The following PARL variants were observed in gnomAD, a reference collection of about 807,000 sequenced individuals.
The protein encoded by PARL is presenilin associated rhomboid like, also known as presenilin-associated rhomboid-like protein, mitochondrial.
Under a neutral mutation model 51.6 loss-of-function variants are expected in PARL, and 44 were observed. The ratio of observed to expected loss-of-function variants is 0.85; its 90% CI spans 0.67 to 1.10. The LOEUF (loss-of-function observed/expected upper bound fraction) is 1.10. Ranked by LOEUF, PARL falls within the 50% of genes least tolerant of loss-of-function variation. The pLI is 0.00. For missense variants in PARL, 441 were observed against 469.5 expected (o/e 0.94, Z 0.56); for synonymous variants, 172 against 164.0 (o/e 1.05, Z -0.37).
At chr3:183,875,801 A>G (rs917389989) in intron 1 of PARL, among the ~76,000 whole-genome samples, 2 of 152,204 alleles carry the variant, frequency 1.3e-5, no homozygotes, top group Admixed American at 1.3e-4. Flanking sequence ...GATGCCATCT[A>G]AGACTTTCAT....
At chr3:183,840,744 C>T (rs776776581) in intron 6 of PARL, 104 bp from the exon 7 acceptor site, 65 of 629,050 alleles carry the variant, frequency 1.0e-4, no homozygotes, top group Non-Finnish European at 1.4e-4. Context: ...TTCACTCTTT[C>T]GCCCCGGCTG....
At chr3:183,835,594 C>T (rs1258549635) in intron 7 of PARL, among the ~76,000 whole-genome samples, 2 of 152,154 alleles carry the variant, frequency 1.3e-5, no homozygotes, top group Non-Finnish European at 2.9e-5. Flanking sequence ...TAGCCGGGCA[C>T]GGTGGCTCAC....
rs1235101986 is a variant in PARL, at chr3:183,882,222, AATATATAT to A, written c.125+2492_125+2499del. On this transcript the variant is annotated intron_variant, in intron 1 of 9. Coordinates refer to ENST00000317096, the MANE Select transcript of PARL (RefSeq NM_018622.7). ...ATGTCTCTAAAAAAAAAAAAAAAAA[AATATATAT>A]ATATATATATATATTTATATATATA... Among the ~76,000 whole-genome samples, 3 of 46,112 alleles carry A rather than the reference AATATATAT, an allele frequency of 6.5e-5. No homozygotes were observed. In the South Asian group the frequency reaches 2.2e-3, roughly 34 times the overall value. The allele number at this position is 46,112 out of a possible 152,430, so 30.3% of individuals were successfully genotyped here. A position where few individuals can be genotyped will look rare whatever the true frequency, so the allele number is the denominator to read the frequency against.
intron 1 of PARL, among the ~76,000 whole-genome samples, chr3:183,873,084 G>A (rs1733395857): frequency 6.6e-6 from 1 of 152,196 alleles, no homozygotes; most frequent in Non-Finnish European, 1.5e-5. Flanking sequence ...TTGATTTAAA[G>A]ATCCCAAAGT....
Position 183,845,326 on chromosome 3 carries a change from AG to A in PARL, c.512-1001del, listed in dbSNP as rs1339375276. Among the ~76,000 whole-genome samples, 7 of 152,266 alleles carry A rather than the reference AG, an allele frequency of 4.6e-5. No individual in the cohort carries two copies. The East Asian group carries it at 1.4e-3, about 29-fold the overall frequency. ...AGCCCCTGGCATTTCTAGTCTGTCC[AG>A]TTTTTGCTCTCCCACTTGAGAGGTG... On this transcript the variant is annotated intron_variant, in intron 4 of 9. Transcript: ENST00000317096.
intron 4 of PARL, among the ~76,000 whole-genome samples, chr3:183,861,839 G>C (rs1296229306): frequency 2.0e-5 from 3 of 151,968 alleles, no homozygotes; most frequent in African/African-American, 2.4e-5. Context: ...GTAATAGTAG[G>C]ACCACAGCTC....
intron 1 of PARL, among the ~76,000 whole-genome samples, chr3:183,878,531 T>C (rs1054659934): frequency 7.2e-5 from 11 of 152,146 alleles, no homozygotes; most frequent in African/African-American, 2.7e-4. Flanking sequence ...GGTGAGCTCT[T>C]AAAAGTCCTA....
intron 4 of PARL, among the ~76,000 whole-genome samples, chr3:183,852,713 T>C (rs989020686): frequency 1.3e-5 from 2 of 152,116 alleles, no homozygotes; most frequent in African/African-American, 4.8e-5. Flanking sequence ...GCAACTAAAG[T>C]GTGCACTAAA....
chr3:183,834,324 G>A (rs1028857362), intron 7 of PARL, among the ~76,000 whole-genome samples: 4 of 152,202 alleles, frequency 2.6e-5, no homozygotes, highest in African/African-American at 9.6e-5. Context: ...TGAGGCATGA[G>A]GATCCCTTAA....
At chr3:183,874,501 C>T (rs1405492951) in intron 1 of PARL, among the ~76,000 whole-genome samples, 2 of 151,168 alleles carry the variant, frequency 1.3e-5, no homozygotes, top group East Asian at 1.9e-4. Flanking sequence ...CTCCACCTCT[C>T]GGGTGCAAGC....
intron 1 of PARL, among the ~76,000 whole-genome samples, chr3:183,882,204 TAAAAAAA>T (rs1209073220): frequency 3.3e-5 from 2 of 61,468 alleles, no homozygotes; most frequent in Admixed American, 1.9e-4. Flanking sequence ...ACAATGTCTC[TAAAAAAA>T]AAAAAAAAAA....
chr3:183,827,501 T>TA (rs1468466485), downstream of PARL, among the ~76,000 whole-genome samples: 1 of 152,172 alleles, frequency 6.6e-6, no homozygotes, highest in Admixed American at 6.5e-5. Context: ...GACATGTTTT[T>TA]AGCACTCTGG....
At chr3:183,880,399 GTT>G (rs563095175) in intron 1 of PARL, among the ~76,000 whole-genome samples, 1 of 147,256 alleles carries the variant, frequency 6.8e-6, no homozygotes, top group Admixed American at 6.8e-5. Flanking sequence ...TTATAGTTCA[GTT>G]TTTTTTTTTC....
chr3:183,865,413 G>A (rs1038426830), intron 3 of PARL, among the ~76,000 whole-genome samples: 27 of 152,108 alleles, frequency 1.8e-4, no homozygotes, highest in Admixed American at 1.7e-3. Flanking sequence ...CCAACAACCC[G>A]GCTGCTGACC....
downstream of PARL, among the ~76,000 whole-genome samples, chr3:183,828,789 A>G (rs940839259): frequency 6.6e-6 from 1 of 152,220 alleles, no homozygotes; most frequent in Admixed American, 6.5e-5. Flanking sequence ...TTTTGAAGCC[A>G]TCAAAAGACT....
At chr3:183,871,902 T>A (rs184424891) in intron 1 of PARL, among the ~76,000 whole-genome samples, 1 of 152,174 alleles carries the variant, frequency 6.6e-6, no homozygotes, top group Non-Finnish European at 1.5e-5. Flanking sequence ...AGAATGCTCA[T>A]AGGACATCCA....
intron 1 of PARL, among the ~76,000 whole-genome samples, chr3:183,871,136 GC>G (rs1252922734): frequency 6.6e-6 from 1 of 152,116 alleles, no homozygotes; most frequent in South Asian, 2.1e-4. Context: ...AAATGATTAA[GC>G]TTTATTGTGA....
Position 183,853,658 on chromosome 3 carries a change from C to A in PARL, c.511+9095G>T, listed in dbSNP as rs566601279. Among the ~76,000 whole-genome samples the A allele has an allele frequency of 9.2e-5, 14 of 152,210 alleles. 1 individual carries two copies. In the South Asian group the frequency reaches 2.9e-3, roughly 32 times the overall value. On this transcript the variant is annotated intron_variant, in intron 4 of 9. Coordinates refer to ENST00000317096, the MANE Select transcript of PARL (RefSeq NM_018622.7). ...CAGAGATGATAAAACAAATGGCCAA[C>A]GAGCACGTGAAAAGATGCTCAACAT...
chr3:183,882,642 T>C (rs956322042), intron 1 of PARL, among the ~76,000 whole-genome samples: 1 of 152,162 alleles, frequency 6.6e-6, no homozygotes, highest in African/African-American at 2.4e-5. Flanking sequence ...TTTTTCCCCT[T>C]TTGTGTAAAA....
Sources: gnomAD v4.1 joint callset for allele counts (sites outside exome capture counted in the v4.1 genomes callset) on GRCh38, gnomAD v4.1.1 for gene constraint, MANE v1.5 for transcripts, NCBI Gene and HGNC (gene_info 2026-07-23, HGNC 2026-07-21) for gene names.